Variants in STPG2 observed in about 807,000 individuals in gnomAD.
STPG2 encodes the protein sperm-tail PG-rich repeat-containing protein 2.
In STPG2, 56 loss-of-function variants were observed where a neutral mutation model predicts 54.2. The ratio of observed to expected loss-of-function variants is 1.03; its 90% CI spans 0.83 to 1.29. STPG2 has a LOEUF of 1.29. STPG2 is among the 50% of genes most tolerant of loss of function. STPG2 has a pLI of 0.00. For missense variants in STPG2, 596 were observed against 544.9 expected (o/e 1.09, Z -0.93); for synonymous variants, 200 against 181.8 (o/e 1.10, Z -0.81).
At chr4:98,038,759 C>G (rs1736852928) in intron 5 of STPG2, among the ~76,000 whole-genome samples, 2 of 151,590 alleles carry the variant, frequency 1.3e-5, no homozygotes, top group South Asian at 4.2e-4. Context: ...AACGAATAGC[C>G]AAGGATTAGA....
intron 9 of STPG2, among the ~76,000 whole-genome samples, chr4:97,724,042 A>G (rs2149018680): frequency 6.6e-6 from 1 of 152,306 alleles, no homozygotes; most frequent in African/African-American, 2.4e-5. Flanking sequence ...AGTTGCAGTG[A>G]CATCTTTACA....
chr4:98,101,016 G>C (rs1739018420), intron 5 of STPG2, among the ~76,000 whole-genome samples: 1 of 151,612 alleles, frequency 6.6e-6, no homozygotes, highest in African/African-American at 2.4e-5. Context: ...GTACTCCAAA[G>C]TGTTATTTTC....
At chr4:97,582,946 C>G (rs1157112095) in intron 10 of STPG2, among the ~76,000 whole-genome samples, 1 of 151,946 alleles carries the variant, frequency 6.6e-6, no homozygotes, top group Non-Finnish European at 1.5e-5. Flanking sequence ...TCTTTTTGAA[C>G]ACTGTAGTTT....
chr4:97,692,635 A>G (rs995991142), intron 10 of STPG2, among the ~76,000 whole-genome samples: 2 of 152,216 alleles, frequency 1.3e-5, no homozygotes, highest in Non-Finnish European at 1.5e-5. Flanking sequence ...GGGAATAATC[A>G]AGGAAATCTT....
intron 10 of STPG2, among the ~76,000 whole-genome samples, chr4:97,583,271 G>A (rs559841790): frequency 2.6e-5 from 4 of 151,988 alleles, no homozygotes; most frequent in Admixed American, 1.3e-4. Context: ...CAATGGAAGA[G>A]GTGTTTTTAG....
intron 10 of STPG2, among the ~76,000 whole-genome samples, chr4:97,656,598 G>A (rs1381381474): frequency 6.6e-6 from 1 of 151,294 alleles, no homozygotes; most frequent in Non-Finnish European, 1.5e-5. Flanking sequence ...ACATCACATG[G>A]TGGCTCAGGA....
In STPG2 at chr4:98,038,509, G is replaced by C. The variant is rs565636268; in HGVS notation, c.613-57191C>G. Among the ~76,000 whole-genome samples, 3 of 151,934 alleles carry C rather than the reference G, an allele frequency of 2.0e-5. No individual in the cohort carries two copies. The South Asian group carries it at 6.2e-4, about 32-fold the overall frequency. ...GAGTATGTAACGTAGGCATATTTTG[G>C]TAACTGCTTTTAAACACAAATAAGA... is the stretch of plus-strand genomic sequence containing the variant. On this transcript the variant is annotated intron_variant, in intron 5 of 10. Coordinates refer to ENST00000295268, the MANE Select transcript of STPG2 (RefSeq NM_174952.3).
intron 4 of STPG2, among the ~76,000 whole-genome samples, chr4:97,546,526 A>G (rs536710121): frequency 5.2e-4 from 79 of 152,262 alleles, no homozygotes; most frequent in Non-Finnish European, 8.1e-4. Context: ...TAATCTGATA[A>G]GTTAGAAGTA....
intron 8 of STPG2, among the ~76,000 whole-genome samples, chr4:97,903,819 A>C (rs962105302): frequency 6.6e-6 from 1 of 152,158 alleles, no homozygotes. Context: ...TCCCTTTCCT[A>C]GTCAAAAAAA....
intron 5 of STPG2, among the ~76,000 whole-genome samples, chr4:98,013,085 G>A (rs567752452): frequency 1.7e-4 from 26 of 152,290 alleles, no homozygotes; most frequent in Admixed American, 9.2e-4. Context: ...CTGGCTGTTG[G>A]TTTGTTATAA....
Position 97,533,408 on chromosome 4 carries a change from G to A in STPG2, c.462+179291C>T, listed in dbSNP as rs183048096. On this transcript the variant is annotated intron_variant, in intron 4 of 4. Coordinates refer to the STPG2 transcript ENST00000522676. ...AATTACATTTTTTCTGTGTGTTGTC[G>A]TTATTGTTTCTTAATTCATTTTATT... Among the ~76,000 whole-genome samples, 12 of 151,682 alleles carry A rather than the reference G, an allele frequency of 7.9e-5. 1 individual carries two copies. Among genetic ancestry groups the A allele is most frequent in the East Asian group, 5.8e-4 (3 of 5,180 alleles).
intron 9 of STPG2, among the ~76,000 whole-genome samples, chr4:97,739,161 C>T: frequency 6.6e-6 from 1 of 152,044 alleles, no homozygotes; most frequent in Admixed American, 6.6e-5. Flanking sequence ...TTCTTTGAAA[C>T]CAACGAGAAC....
At chr4:97,864,328 C>A (rs1729678873) in intron 8 of STPG2, among the ~76,000 whole-genome samples, 1 of 152,016 alleles carries the variant, frequency 6.6e-6, no homozygotes, top group African/African-American at 2.4e-5. Context: ...CATGAGTGAA[C>A]TCCCATTCAC....
At chr4:97,905,194 G>C (rs1731355766) in intron 8 of STPG2, among the ~76,000 whole-genome samples, 1 of 151,588 alleles carries the variant, frequency 6.6e-6, no homozygotes, top group Admixed American at 6.6e-5. Context: ...AAATGTTAAG[G>C]GCAGCCAGAG....
intron 8 of STPG2, among the ~76,000 whole-genome samples, chr4:97,939,439 C>T (rs1732892195): frequency 6.6e-6 from 1 of 152,160 alleles, no homozygotes; most frequent in Non-Finnish European, 1.5e-5. Context: ...GAGTCTGTGT[C>T]TCTTTGTAGG....
chr4:98,121,249 A>G (rs979387079), intron 3 of STPG2, among the ~76,000 whole-genome samples: 2 of 152,126 alleles, frequency 1.3e-5, no homozygotes, highest in African/African-American at 4.8e-5. Context: ...ATTGGTCTAC[A>G]TTTCTGTTTT....
intron 4 of STPG2, among the ~76,000 whole-genome samples, chr4:97,487,137 G>T (rs1401086519): frequency 6.6e-6 from 1 of 150,722 alleles, no homozygotes; most frequent in Non-Finnish European, 1.5e-5. Context: ...CTACAAATAG[G>T]GTGCAGTGTA....
At chr4:97,854,803 T>C (rs2149134536) in intron 8 of STPG2, among the ~76,000 whole-genome samples, 1 of 152,234 alleles carries the variant, frequency 6.6e-6, no homozygotes, top group Admixed American at 6.5e-5. Flanking sequence ...GTTACATAGG[T>C]AAACAAGTGC....
intron 8 of STPG2, among the ~76,000 whole-genome samples, chr4:97,857,578 T>A (rs1729374571): frequency 1.3e-5 from 2 of 152,100 alleles, no homozygotes; most frequent in Admixed American, 1.3e-4. Flanking sequence ...GCAGTCTATT[T>A]TATTAATTTT....
Sources: gnomAD v4.1 joint callset for allele counts (sites outside exome capture counted in the v4.1 genomes callset) on GRCh38, gnomAD v4.1.1 for gene constraint, MANE v1.5 for transcripts, NCBI Gene and HGNC (gene_info 2026-07-23, HGNC 2026-07-21) for gene names.